FHOD1: variants seen among roughly 807,000 people sequenced by gnomAD.
The protein encoded by FHOD1 is formin homology 2 domain containing 1, also known as FH1/FH2 domain-containing protein 1.
A neutral mutation model predicts 111.6 loss-of-function variants in FHOD1; 89 were observed. The ratio of observed to expected loss-of-function variants is 0.80; its 90% CI spans 0.67 to 0.95. The LOEUF is 0.95. Ranked by LOEUF, FHOD1 falls within the 40% of genes least tolerant of loss-of-function variation. The probability of loss-of-function intolerance (pLI) is 0.00; values close to 1 mark genes in which losing one functional copy is unlikely to be tolerated. For synonymous variants in FHOD1, 618 were observed against 639.0 expected (o/e 0.97, Z 0.50); for missense variants, 1,446 against 1,554.2 (o/e 0.93, Z 1.17).
At chr16:67,246,336 G>C (rs6499120) in intron 1 of FHOD1, among the ~76,000 whole-genome samples, 18,149 of 152,206 alleles carry the variant, frequency 0.12, 2,621 homozygotes, top group African/African-American at 0.35. Context: ...GGAGGTGGTA[G>C]TGCGCCTCCC....
rs2034368934 is a variant in FHOD1 at position 67,233,821 on chromosome 16, T to G, written c.1882A>C (p.Lys628Gln). The change falls in exon 13 of 22, where the codon AAA becomes CAA. Residue 628 changes from lysine (K) to glutamine (Q), a missense_variant. Around this residue, in one of 3 missense-constraint regions of FHOD1, gnomAD observed 1,085 missense variants for 1,108.8 expected, o/e 0.98. Transcript: ENST00000258201. ...AGCTTCAGCTCACGCCAGAAAAGTT[T>G]TACTGTCTTCCTCTTAGTGGGGAGG... ...SALPTKRKTV[K>Q]LFWRELKLAG... 6.2e-7 allele frequency: 1 copy of G among 1,613,538 alleles called. No homozygotes were observed. The highest frequency in any genetic ancestry group is 8.5e-7 in the Non-Finnish European group (1 of 1,179,876).
At position 67,237,056 on chromosome 16, in the gene FHOD1, C is replaced by T. The variant is rs766805526; in HGVS notation, c.1052G>A (p.Arg351Gln). 3.3e-5 allele frequency: 53 copies of T among 1,613,130 alleles called. No individual in the cohort carries two copies. Among genetic ancestry groups the T allele is most frequent in the African/African-American group, 1.3e-5 (1 of 74,908 alleles). ...CTCAGAAGAAGGCTTTCGTCGTTCC[C>T]GCCGCCCACCAGCGCCTGGGGCTTC... ...IEEAPGAGGR[R>Q]ERRKPSSEEG... is the part of the protein sequence containing the mutation. Residue 351 changes from arginine (R) to glutamine (Q), a missense_variant, in exon 10 of 22, where the codon CGG (arginine) becomes CAG (glutamine). Physicochemically the swap from Arg to Gln is conservative, Grantham distance 43. Coordinates refer to ENST00000258201, the MANE Select transcript of FHOD1 (RefSeq NM_013241.3). This position sits in a 1 kb window ranked among gnomAD's most constrained non-coding sequence, Gnocchi z 5.6.
rs1317281316 is a variant in FHOD1 at position 67,229,595 on chromosome 16, T to TGC, written c.*39_*40dup. The TGC allele has an allele frequency of 6.4e-7, 1 of 1,566,210 alleles. No individual in the cohort carries two copies. Among genetic ancestry groups the TGC allele is most frequent in the African/African-American group, 1.4e-5 (1 of 74,020 alleles). The stretch of plus-strand genomic sequence containing the variant: ...CTCCTCACTCTGTCATCTCCTGCAC[T>TGC]GCAGTCCAGGGTCCAGATAGATTTC... On this transcript the variant is annotated 3_prime_UTR_variant, in exon 22 of 22. Coordinates refer to ENST00000258201, the MANE Select transcript of FHOD1 (RefSeq NM_013241.3).
chr16:67,245,518 G>A (rs2034785599), intron 1 of FHOD1, among the ~76,000 whole-genome samples: 1 of 152,186 alleles, frequency 6.6e-6, no homozygotes, highest in Admixed American at 6.5e-5. Flanking sequence ...GCTTAGGCAG[G>A]CAGATCACCT....
chr16:67,234,619 AC>A (rs879908004), intron 11 of FHOD1, 147 bp from the exon 12 acceptor site: 276 of 604,220 alleles, frequency 4.6e-4, no homozygotes, highest in African/African-American at 2.7e-3. Context: ...CCAGAACCAC[AC>A]CCCCCCCAAG....
intron 1 of FHOD1, among the ~76,000 whole-genome samples, chr16:67,245,569 AC>A (rs1485303039): frequency 6.6e-6 from 1 of 151,986 alleles, no homozygotes; most frequent in African/African-American, 2.4e-5. Flanking sequence ...ACACGGAGAA[AC>A]CCTGTCCCTA....
chr16:67,232,099 A>G lies in FHOD1; in HGVS notation c.2142T>C (p.His714=). Residue 714 remains histidine, a synonymous_variant, in exon 14 of 22, where the codon CAT becomes CAC. Transcript: ENST00000258201. ...AGTTGAGCAGAGCAGCCTTAATGAC[A>G]TGCACAGGTGGCAGTGTGGTTAGGC... ...NIGLTTLPPV[H]VIKAALLNFD... 6.2e-7 allele frequency: 1 copy of G among 1,614,202 alleles called. No individual in the cohort carries two copies. Among genetic ancestry groups the G allele is most frequent in the South Asian group, 1.1e-5 (1 of 91,086 alleles).
chr16:67,239,439 G>A lies in FHOD1; in HGVS notation c.217C>T (p.Leu73=). 1 of 1,614,014 alleles carries A rather than the reference G, an allele frequency of 6.2e-7. No individual in the cohort carries two copies. Among genetic ancestry groups the A allele is most frequent in the Non-Finnish European group, 8.5e-7 (1 of 1,179,902 alleles). ...TAGTATCCGGAGGGAGACACTTGCA[G>A]AGCACAATCCTCCAACTGGGGGCAA... is the stretch of plus-strand genomic sequence containing the variant. ...GAPLKLEDCA[L]QVSPSGYYLD... Residue 73 remains leucine (L), a synonymous_variant, in exon 2 of 22, where the codon CTG becomes TTG. Transcript: ENST00000258201.
At chr16:67,242,091 C>T (rs1233702248) in intron 1 of FHOD1, among the ~76,000 whole-genome samples, 1 of 152,128 alleles carries the variant, frequency 6.6e-6, no homozygotes, top group Non-Finnish European at 1.5e-5. Context: ...ACCTCAGCCT[C>T]CTGAGTAGCT....
In FHOD1 at chr16:67,237,101, A is replaced by G; in HGVS notation, c.1007T>C (p.Leu336Ser). The part of the protein sequence containing the change: ...QLVLYENALK[L>S]EDGDIEEAPG... ...GGCTTCTTCGATGTCTCCATCCTCCAATTTCAGGGCGTTCTAGCAGAGGCG... is the reference window on the plus strand; with the variant it reads ...GGCTTCTTCGATGTCTCCATCCTCCGATTTCAGGGCGTTCTAGCAGAGGCG... The change falls in exon 10 of 22, where the codon TTG becomes TCG. Residue 336 changes from leucine (L) to serine (S), a missense_variant. Leu to Ser is a moderately radical substitution (Grantham distance 145, BLOSUM62 -2). Transcript: ENST00000258201. This position sits in a 1 kb window ranked among gnomAD's most constrained non-coding sequence, Gnocchi z 5.6. 1 of 1,610,394 alleles carries G rather than the reference A, an allele frequency of 6.2e-7. No individual in the cohort carries two copies. Among genetic ancestry groups the G allele is most frequent in the Non-Finnish European group, 8.5e-7 (1 of 1,178,738 alleles).
chr16:67,233,868 T>G lies in FHOD1; in HGVS notation c.1835A>C (p.His612Pro). ...PPLPLAAPLPHSVPDSSALPT... is the reference protein window; with the variant it reads ...PPLPLAAPLPPSVPDSSALPT... ...GAGGGCTGAGCTGTCAGGCACTGAATGGGGAAGAGGGGCAGCCAGAGGTAG... is the reference window on the plus strand; with the variant it reads ...GAGGGCTGAGCTGTCAGGCACTGAAGGGGGAAGAGGGGCAGCCAGAGGTAG... The change falls in exon 13 of 22, where the codon CAT (histidine) becomes CCT (proline). Residue 612 changes from histidine to proline, a missense_variant. Coordinates refer to ENST00000258201, the MANE Select transcript of FHOD1 (RefSeq NM_013241.3). The G allele has an allele frequency of 2.2e-6, 3 of 1,379,894 alleles. No homozygotes were observed. The highest frequency in any genetic ancestry group is 2.9e-6 in the Non-Finnish European group (3 of 1,037,052). The allele number at this position is 1,379,894 out of a possible 1,614,324, so 85.5% of individuals were successfully genotyped here.
chr16:67,230,841 A>G lies in FHOD1; in HGVS notation c.2668-50T>C, dbSNP rs764614774. ...ACTGTCCCCCCACACCCTGTAGACAAGACATGGCCCGAGGCTGCTTCTGGG... is the reference window on the plus strand; with the variant it reads ...ACTGTCCCCCCACACCCTGTAGACAGGACATGGCCCGAGGCTGCTTCTGGG... On this transcript the variant is annotated intron_variant, in intron 17 of 21. Transcript: ENST00000258201. 2.0e-5 allele frequency: 30 copies of G among 1,523,462 alleles called. No individual in the cohort carries two copies. The Middle Eastern group carries it at 9.8e-4, about 50-fold the overall frequency. 94.4% of individuals were successfully genotyped at this position (1,523,462 alleles called of 1,614,324 possible).
At position 67,232,575 on chromosome 16, in the gene FHOD1, C is replaced by A. The variant is rs567078608; in HGVS notation, c.2047-381G>T. Among the ~76,000 whole-genome samples, 4 of 150,754 alleles carry A rather than the reference C, an allele frequency of 2.7e-5. No individual in the cohort carries two copies. The East Asian group carries it at 7.8e-4, about 29-fold the overall frequency. On this transcript the variant is annotated intron_variant, in intron 13 of 21. Coordinates refer to ENST00000258201, the MANE Select transcript of FHOD1 (RefSeq NM_013241.3). The stretch of plus-strand genomic sequence containing the variant: ...AAGGGACTAGCTGGGACAGCAACCT[C>A]AGAGGGCACTCCAAGGCCCTCCTCT...
chr16:67,247,369 T>C lies in FHOD1; in HGVS notation c.42A>G (p.Ser14=). Residue 14 remains serine, a synonymous_variant, in exon 1 of 22, where the codon TCA becomes TCG. Transcript: ENST00000258201. ...GEDRGDGEPV[S]VVTVRVQYLE... ...GGTACTGCACCCTCACGGTCACCAC[T>C]GATACCGGCTCTCCGTCCCCGCGGT... 2 of 1,613,500 alleles carry C rather than the reference T, an allele frequency of 1.2e-6. No homozygotes were observed. The highest frequency in any genetic ancestry group is 1.7e-6 in the Non-Finnish European group (2 of 1,179,782).
In FHOD1 at chr16:67,237,449, A is replaced by G. The variant is rs573812527; in HGVS notation, c.849+26T>C. 2.1e-5 allele frequency: 34 copies of G among 1,614,160 alleles called. No individual in the cohort carries two copies. The Admixed American group carries it at 3.0e-4, about 14-fold the overall frequency. On this transcript the variant is annotated intron_variant, in intron 8 of 21. Transcript: ENST00000258201. The surrounding 1 kb of genome is among the most constrained non-coding windows in gnomAD (Gnocchi z 5.6). ...GAGGTCAGGAGCCTGAGCATCCCAG[A>G]GCTGGCACCCAGTCCTTGGCCACAC... is the stretch of plus-strand genomic sequence containing the variant.
At chr16:67,245,875 G>A (rs545830867) in intron 1 of FHOD1, among the ~76,000 whole-genome samples, 1 of 152,142 alleles carries the variant, frequency 6.6e-6, no homozygotes, top group Non-Finnish European at 1.5e-5. Context: ...GCCTGGAAGC[G>A]GGAACCAGTC....
chr16:67,247,141 C>T, intron 1 of FHOD1, 69 bp downstream of exon 1: 1 of 1,437,060 alleles, frequency 7.0e-7, no homozygotes, highest in Non-Finnish European at 9.2e-7. Context: ...CGCGGAGCAC[C>T]TCCCACCAGT....
chr16:67,236,934 AC>A (rs780971457), intron 10 of FHOD1, 31 bp downstream of exon 10: 6 of 1,447,210 alleles, frequency 4.1e-6, no homozygotes, highest in Non-Finnish European at 5.6e-6. Flanking sequence ...TAGTAGATCC[AC>A]CCTTTCCCAT....
In FHOD1 at chr16:67,231,098, C is replaced by G; in HGVS notation, c.2667+90G>C. On this transcript the variant is annotated intron_variant, in intron 17 of 21. Coordinates refer to ENST00000258201, the MANE Select transcript of FHOD1 (RefSeq NM_013241.3). This position sits in a 1 kb window ranked among gnomAD's most constrained non-coding sequence, Gnocchi z 4.3. ...GCTGGAGCAAGCCCTGGCACAGCAG[C>G]CCAAATGGGGAGAAGGGGGAGGAGC... 3 of 1,529,650 alleles carry G rather than the reference C, an allele frequency of 2.0e-6. No individual in the cohort carries two copies. Among genetic ancestry groups the G allele is most frequent in the South Asian group, 2.5e-5 (2 of 80,574 alleles). The allele number at this position is 1,529,650 out of a possible 1,614,324, so 94.8% of individuals were successfully genotyped here. A position where few individuals can be genotyped will look rare whatever the true frequency, so the allele number is the denominator to read the frequency against.
Sources: allele counts gnomAD v4.1 joint callset (sites outside exome capture counted in the v4.1 genomes callset), GRCh38; gene constraint gnomAD v4.1.1; regional missense constraint gnomAD v4.1.1; non-coding constraint Gnocchi (gnomAD v3.1); transcripts MANE v1.5; gene names NCBI Gene and HGNC (gene_info 2026-07-23, HGNC 2026-07-21).